Variants in FOXO1 observed in about 807,000 individuals in gnomAD.
The protein encoded by FOXO1 is forkhead box O1, also known as forkhead box protein O1.
In FOXO1, 6 loss-of-function variants were observed where a neutral mutation model predicts 44.1. The observed-to-expected ratio is 0.14, with a 90% CI of 0.07 to 0.27. The LOEUF is 0.27. Ranked by LOEUF, FOXO1 falls within the 10% of genes least tolerant of loss-of-function variation. The pLI is 1.00. For synonymous variants in FOXO1, 380 were observed against 362.7 expected, an observed-to-expected ratio of 1.05 and a Z score of -0.54; for missense variants, 737 against 888.8, an observed-to-expected ratio of 0.83 and a Z score of 2.17.
At chr13:40,610,933 A>G (rs749914446) in intron 1 of FOXO1, 7 of 355,376 alleles carry the variant, frequency 2.0e-5, no homozygotes, top group Admixed American at 1.0e-4. Flanking sequence ...AAAATCTTCT[A>G]CCAGTATTCA....
At position 40,560,318 on chromosome 13, in the gene FOXO1, G is replaced by A. The variant is rs1873948301; in HGVS notation, c.1173C>T (p.Thr391=). The A allele has an allele frequency of 1.9e-6, 3 of 1,614,118 alleles. No individual in the cohort carries two copies. Among genetic ancestry groups the A allele is most frequent in the African/African-American group, 1.3e-5 (1 of 75,012 alleles). Reference sequence around the variant, plus strand: ...GCATCATGGTGCCAGGTGAGGACTGGGTCGAAACAGTTAATGATGTTGGTG... The same window carrying A: ...GCATCATGGTGCCAGGTGAGGACTGAGTCGAAACAGTTAATGATGTTGGTG... ...LSSPTSLTVS[T]QSSPGTMMQQ... is the part of the protein sequence containing the mutation. Residue 391 remains threonine (T), a synonymous_variant, in exon 2 of 3, where the codon ACC becomes ACT. Coordinates refer to ENST00000379561, the MANE Select transcript of FOXO1 (RefSeq NM_002015.4). The surrounding 1 kb of genome is among the most constrained non-coding windows in gnomAD (Gnocchi z 5.1).
intron 1 of FOXO1, among the ~76,000 whole-genome samples, chr13:40,583,055 G>A (rs1303471764): frequency 6.6e-6 from 1 of 152,216 alleles, no homozygotes; most frequent in African/African-American, 2.4e-5. Flanking sequence ...CAGAACAGAT[G>A]TTGTGTTAGC....
At chr13:40,582,082 C>A (rs1448800270) in intron 1 of FOXO1, among the ~76,000 whole-genome samples, 2 of 152,134 alleles carry the variant, frequency 1.3e-5, no homozygotes, top group Admixed American at 6.5e-5. Context: ...TACAGGCCTA[C>A]CTTAGAGATA....
At chr13:40,659,314 CAAA>C (rs1210028542) in intron 1 of FOXO1, among the ~76,000 whole-genome samples, 1 of 87,632 alleles carries the variant, frequency 1.1e-5, no homozygotes, top group Non-Finnish European at 2.3e-5. Context: ...GACTCCGTCT[CAAA>C]AAAAAAAAAA....
chr13:40,586,366 C>G (rs996532405), intron 1 of FOXO1, among the ~76,000 whole-genome samples: 2 of 151,856 alleles, frequency 1.3e-5, no homozygotes, highest in Admixed American at 6.5e-5. Context: ...TATGCTTTCT[C>G]TCTCTAAGAA....
At chr13:40,611,239 C>T in intron 1 of FOXO1, 1 of 309,438 alleles carries the variant, frequency 3.2e-6, no homozygotes, top group Non-Finnish European at 6.4e-6. Context: ...TGATTTATGA[C>T]ACCATGTCAG....
At chr13:40,654,914 C>G (rs1305695750) in intron 1 of FOXO1, among the ~76,000 whole-genome samples, 1 of 152,116 alleles carries the variant, frequency 6.6e-6, no homozygotes, top group Non-Finnish European at 1.5e-5. Flanking sequence ...GGGAACCCTC[C>G]CTTCAAAATT....
chr13:40,585,806 A>G (rs1593388944), intron 1 of FOXO1, among the ~76,000 whole-genome samples: 1 of 152,126 alleles, frequency 6.6e-6, no homozygotes, highest in Middle Eastern at 3.4e-3. Flanking sequence ...TGGATGAAAA[A>G]CCCTATCCTA....
At chr13:40,617,690 T>C (rs1355926164) in intron 1 of FOXO1, among the ~76,000 whole-genome samples, 1 of 151,740 alleles carries the variant, frequency 6.6e-6, no homozygotes, top group African/African-American at 2.4e-5. Flanking sequence ...CCAAACATGT[T>C]GGGGGGAAAA....
intron 1 of FOXO1, among the ~76,000 whole-genome samples, chr13:40,617,485 A>C (rs941808298): frequency 2.6e-5 from 4 of 152,156 alleles, no homozygotes; most frequent in African/African-American, 9.7e-5. Flanking sequence ...TTTACTACTA[A>C]AAGAGAGAAG....
At chr13:40,617,298 A>T (rs1876461053) in intron 1 of FOXO1, among the ~76,000 whole-genome samples, 1 of 152,150 alleles carries the variant, frequency 6.6e-6, no homozygotes, top group African/African-American at 2.4e-5. Context: ...ATACAAAATT[A>T]GCCGGACGTG....
chr13:40,560,920 T>C lies in FOXO1; in HGVS notation c.631-60A>G, dbSNP rs1273096844. ...CTTCTCTGCTTGCAAAACTTCCTAT[T>C]CTACATGTATTACATGGAAAACAAG... On this transcript the variant is annotated intron_variant, in intron 1 of 2. Transcript: ENST00000379561. This position sits in a 1 kb window ranked among gnomAD's most constrained non-coding sequence, Gnocchi z 5.1. 7 of 1,479,660 alleles carry C rather than the reference T, an allele frequency of 4.7e-6. No homozygotes were observed. The highest frequency in any genetic ancestry group is 6.3e-6 in the Non-Finnish European group (7 of 1,103,328). 91.7% of individuals were successfully genotyped at this position (1,479,660 alleles called of 1,614,324 possible).
At chr13:40,664,978 G>T (rs1046000271) in intron 1 of FOXO1, among the ~76,000 whole-genome samples, 1 of 151,954 alleles carries the variant, frequency 6.6e-6, no homozygotes, top group Non-Finnish European at 1.5e-5. Context: ...CCCGGCACTC[G>T]AGGCCACTCC....
intron 1 of FOXO1, among the ~76,000 whole-genome samples, chr13:40,631,332 T>C (rs772889622): frequency 6.6e-6 from 1 of 152,186 alleles, no homozygotes; most frequent in African/African-American, 2.4e-5. Flanking sequence ...GACCTAAATG[T>C]AAGAACTAAT....
chr13:40,648,851 C>T (rs1416067838), intron 1 of FOXO1, among the ~76,000 whole-genome samples: 1 of 152,204 alleles, frequency 6.6e-6, no homozygotes, highest in Non-Finnish European at 1.5e-5. Flanking sequence ...ATTAAGTTTT[C>T]TAAGCCTACA....
At chr13:40,568,343 T>C (rs535842411) in intron 1 of FOXO1, among the ~76,000 whole-genome samples, 1 of 152,354 alleles carries the variant, frequency 6.6e-6, no homozygotes, top group East Asian at 1.9e-4. Context: ...TGTGCGATTG[T>C]TATGCAGGCT....
chr13:40,652,322 G>A (rs1877712329), intron 1 of FOXO1, among the ~76,000 whole-genome samples: 1 of 139,836 alleles, frequency 7.2e-6, no homozygotes, highest in South Asian at 2.2e-4. Context: ...TGGAGTCTCT[G>A]TCGCCCAGGC....
rs557008614 is a variant in FOXO1, at chr13:40,612,053, A to G, written c.631-51193T>C. 1.8e-4 allele frequency among the ~76,000 whole-genome samples: 27 copies of G among 152,310 alleles called. No individual in the cohort carries two copies. The South Asian group carries it at 5.6e-3, about 32-fold the overall frequency. The stretch of plus-strand genomic sequence containing the variant: ...CACTGCACTCCAGCGTGGGAGACAC[A>G]GTGAGACCCTGTCTCAATAAATAAA... On this transcript the variant is annotated intron_variant, in intron 1 of 2. Transcript: ENST00000379561.
intron 1 of FOXO1, among the ~76,000 whole-genome samples, chr13:40,597,903 C>T (rs1265351419): frequency 6.6e-6 from 1 of 152,192 alleles, no homozygotes; most frequent in Admixed American, 6.5e-5. Context: ...AAGGAATGTG[C>T]CCAGGAGCCG....
Sources: gnomAD v4.1 joint callset for allele counts (sites outside exome capture counted in the v4.1 genomes callset) on GRCh38, gnomAD v4.1.1 for gene constraint, Gnocchi (gnomAD v3.1) non-coding constraint, MANE v1.5 for transcripts, NCBI Gene and HGNC (gene_info 2026-07-23, HGNC 2026-07-21) for gene names.